Variants in ERG observed in about 807,000 individuals in gnomAD.
ERG encodes transcriptional regulator ERG.
In ERG, 9 loss-of-function variants were observed where a neutral mutation model predicts 55.3. The ratio of observed to expected loss-of-function variants is 0.16; its 90% CI spans 0.10 to 0.28. The LOEUF is 0.28. ERG is among the 10% of genes least tolerant of loss of function. The pLI is 1.00. For synonymous variants in ERG, 223 were observed against 237.3 expected (o/e 0.94, Z 0.55); for missense variants, 434 against 631.6 (o/e 0.69, Z 3.35).
intron 1 of ERG, among the ~76,000 whole-genome samples, chr21:38,483,153 G>A (rs374134141): frequency 6.6e-6 from 1 of 152,124 alleles, no homozygotes; most frequent in Non-Finnish European, 1.5e-5. Context: ...GGGAGATGTA[G>A]GTCAAAGAAT....
intron 1 of ERG, among the ~76,000 whole-genome samples, chr21:38,655,173 C>A (rs1381949459): frequency 6.6e-6 from 1 of 152,162 alleles, no homozygotes; most frequent in African/African-American, 2.4e-5. Flanking sequence ...AATGCACCTT[C>A]TTCAGTGCTG....
upstream of ERG, among the ~76,000 whole-genome samples, chr21:38,501,416 ATAT>A (rs1485465441): frequency 6.6e-6 from 1 of 152,072 alleles, no homozygotes; most frequent in African/African-American, 2.4e-5. Context: ...CGTTTCCCAA[ATAT>A]TATCCTATGG....
At chr21:38,546,315 C>T (rs1260826463) in intron 2 of ERG, among the ~76,000 whole-genome samples, 1 of 152,138 alleles carries the variant, frequency 6.6e-6, no homozygotes, top group Non-Finnish European at 1.5e-5. Context: ...ATTTTATTCC[C>T]TTTACTGTCA....
intron 2 of ERG, among the ~76,000 whole-genome samples, chr21:38,510,178 A>C (rs1352052713): frequency 6.6e-6 from 1 of 152,258 alleles, no homozygotes; most frequent in Non-Finnish European, 1.5e-5. Context: ...TTCTTTAAAG[A>C]AGTCAAGTTA....
intron 1 of ERG, among the ~76,000 whole-genome samples, chr21:38,616,555 C>T (rs1024033933): frequency 2.0e-5 from 3 of 152,034 alleles, no homozygotes. Context: ...TTCCCAACAC[C>T]TAGCACTATT....
At chr21:38,484,871 G>A (rs2146658379) in intron 1 of ERG, among the ~76,000 whole-genome samples, 1 of 152,268 alleles carries the variant, frequency 6.6e-6, no homozygotes, top group East Asian at 1.9e-4. Flanking sequence ...TGTGTTGCCA[G>A]TTGTATAAAG....
intron 3 of ERG, among the ~76,000 whole-genome samples, chr21:38,419,760 T>G (rs926150995): frequency 3.3e-5 from 5 of 150,700 alleles, no homozygotes; most frequent in African/African-American, 1.2e-4. Flanking sequence ...TTATGGGCTT[T>G]TTTTTGACAC....
At chr21:38,622,627 T>C (rs1250298369) in intron 1 of ERG, among the ~76,000 whole-genome samples, 1 of 127,654 alleles carries the variant, frequency 7.8e-6, no homozygotes. Flanking sequence ...ATACACACCA[T>C]ATCACACACA....
Position 38,383,400 on chromosome 21 carries a change from T to G in ERG, c.*3A>C. 1 of 1,488,438 alleles carries G rather than the reference T, an allele frequency of 6.7e-7. No homozygotes were observed. 92.2% of individuals were successfully genotyped at this position (1,488,438 alleles called of 1,614,324 possible). A position where few individuals can be genotyped will look rare whatever the true frequency, so the allele number is the denominator to read the frequency against. On this transcript the variant is annotated 3_prime_UTR_variant, in exon 10 of 10. Transcript: ENST00000288319. The surrounding 1 kb of genome is among the most constrained non-coding windows in gnomAD (Gnocchi z 5.7). The stretch of plus-strand genomic sequence containing the variant: ...GCTGATGGGAAAAGCCTCCGCCAGG[T>G]CTTTAGTAGTAAGTGCCCAGATGAG...
intron 1 of ERG, among the ~76,000 whole-genome samples, chr21:38,656,257 C>G (rs1485363188): frequency 6.6e-6 from 1 of 152,124 alleles, no homozygotes; most frequent in African/African-American, 2.4e-5. Flanking sequence ...TGTCATTGGG[C>G]CATCGAGACA....
intron 1 of ERG, among the ~76,000 whole-genome samples, chr21:38,636,051 GTACCCTCTTGCT>G (rs2060386196): frequency 9.6e-6 from 1 of 104,550 alleles, no homozygotes; most frequent in African/African-American, 3.5e-5. Flanking sequence ...CATGGGGGTG[GTACCCTCTTGCT>G]GTTCTCAAGA....
intron 9 of ERG, among the ~76,000 whole-genome samples, chr21:38,385,398 G>A (rs1987645192): frequency 6.6e-6 from 1 of 152,142 alleles, no homozygotes; most frequent in South Asian, 2.1e-4. Flanking sequence ...AATGATTAAA[G>A]TAACTTTAAC....
chr21:38,628,501 C>G (rs143411974), intron 1 of ERG, among the ~76,000 whole-genome samples: 3 of 152,232 alleles, frequency 2.0e-5, no homozygotes, highest in Non-Finnish European at 2.9e-5. Context: ...AGGGAGGGGT[C>G]GATCTAAAAC....
intron 1 of ERG, among the ~76,000 whole-genome samples, chr21:38,493,059 G>T (rs1206496653): frequency 6.6e-6 from 1 of 152,100 alleles, no homozygotes; most frequent in East Asian, 1.9e-4. Context: ...TCCTTCCAGA[G>T]AATAATCTGG....
At chr21:38,625,413 C>A (rs2060318400) in intron 1 of ERG, among the ~76,000 whole-genome samples, 1 of 152,036 alleles carries the variant, frequency 6.6e-6, no homozygotes, top group Non-Finnish European at 1.5e-5. Flanking sequence ...GTTTGTTAAA[C>A]AGGTATTCAT....
At chr21:38,589,411 T>C (rs1166172001), upstream of ERG, among the ~76,000 whole-genome samples, 1 of 152,156 alleles carries the variant, frequency 6.6e-6, no homozygotes, top group African/African-American at 2.4e-5. Context: ...TCCTCCCTTA[T>C]GGAAGGAAAC....
intron 1 of ERG, among the ~76,000 whole-genome samples, chr21:38,580,105 C>A (rs2060019772): frequency 6.6e-6 from 1 of 152,218 alleles, no homozygotes; most frequent in Admixed American, 6.5e-5. Flanking sequence ...CAGGCGTGAG[C>A]CACCACGCCC....
chr21:38,638,364 T>C (rs2060403400), intron 1 of ERG, among the ~76,000 whole-genome samples: 1 of 152,226 alleles, frequency 6.6e-6, no homozygotes, highest in Non-Finnish European at 1.5e-5. Context: ...TGCGTGCATC[T>C]GGCCCTCCTC....
chr21:38,465,528 A>G (rs555640446), intron 1 of ERG, among the ~76,000 whole-genome samples: 1 of 152,328 alleles, frequency 6.6e-6, no homozygotes, highest in South Asian at 2.1e-4. Context: ...AGCACCACAA[A>G]TGAACGCTAA....
Sources: allele counts gnomAD v4.1 joint callset (sites outside exome capture counted in the v4.1 genomes callset), GRCh38; gene constraint gnomAD v4.1.1; non-coding constraint Gnocchi (gnomAD v3.1); transcripts MANE v1.5; gene names NCBI Gene and HGNC (gene_info 2026-07-23, HGNC 2026-07-21).